Variants in GALK1 observed in about 807,000 individuals in gnomAD.
The protein encoded by GALK1 is galactokinase.
Under a neutral mutation model 38.6 loss-of-function variants are expected in GALK1, and 30 were observed. The ratio of observed to expected loss-of-function variants is 0.78; its 90% CI spans 0.58 to 1.05. The LOEUF (loss-of-function observed/expected upper bound fraction) is 1.05. GALK1 is among the 50% of genes least tolerant of loss of function. The pLI, the probability that GALK1 is intolerant of heterozygous loss-of-function variation, is 0.00. For synonymous variants in GALK1, 240 were observed against 233.6 expected (o/e 1.03, Z -0.25); for missense variants, 512 against 540.5 (o/e 0.95, Z 0.52).
rs370412722 is a variant in GALK1, at chr17:75,758,262, G to C, written c.1055C>G (p.Thr352Arg). ...RMTGGGFGGCTVTLLEASAAP... is the reference protein window; with the variant it reads ...RMTGGGFGGCRVTLLEASAAP... ...AGCGGAGGCCTCCAGCAGTGTCACC[G>C]TGCAGCCACCGAAGCCACCGCCCGT... The change falls in exon 7 of 8, where the codon ACG becomes AGG. Residue 352 changes from threonine (T) to arginine (R), a missense_variant. Transcript: ENST00000588479. 6.3e-7 allele frequency: 1 copy of C among 1,597,276 alleles called. No individual in the cohort carries two copies. The highest frequency in any genetic ancestry group is 8.5e-7 in the Non-Finnish European group (1 of 1,173,138).
intron 8 of GALK1, chr17:75,752,617 T>A: frequency 6.2e-7 from 1 of 1,611,308 alleles, no homozygotes; most frequent in Non-Finnish European, 8.5e-7. Context: ...ACAGTGGGGG[T>A]CTTGGGTACA....
At position 75,763,093 on chromosome 17, in the gene GALK1, C is replaced by A. The variant is rs1177598793; in HGVS notation, c.532G>T (p.Ala178Ser). ...TCCATGATGCCACAGGGCATCCCTG[C>A]GAAGCTGTGCTCGGCCTGCTGACAC... ...QVCQQAEHSF[A>S]GMPCGIMDQF... Residue 178 changes from alanine (A) to serine (S), a missense_variant, in exon 4 of 8, where the codon GCA becomes TCA. By Grantham distance (99) the Ala-to-Ser change is moderately conservative. Coordinates refer to ENST00000588479, the MANE Select transcript of GALK1 (RefSeq NM_000154.2). The A allele has an allele frequency of 6.2e-7, 1 of 1,612,558 alleles. No individual in the cohort carries two copies. The highest frequency in any genetic ancestry group is 1.7e-5 in the Admixed American group (1 of 60,008).
downstream of GALK1, among the ~76,000 whole-genome samples, chr17:75,754,309 G>A (rs1356082596): frequency 6.6e-6 from 1 of 152,142 alleles, no homozygotes; most frequent in Non-Finnish European, 1.5e-5. Context: ...GACTGCAGAC[G>A]CAGCAAACCC....
chr17:75,752,473 T>C, intron 8 of GALK1: 2 of 1,613,588 alleles, frequency 1.2e-6, no homozygotes, highest in Non-Finnish European at 1.7e-6. Flanking sequence ...ATCCCTATCG[T>C]GGACGCCCAG....
intron 8 of GALK1, chr17:75,752,346 G>A (rs755699351): frequency 7.4e-6 from 12 of 1,612,640 alleles, no homozygotes; most frequent in Non-Finnish European, 1.0e-5. Context: ...AGCCCAAGAG[G>A]CCCATGTCCA....
rs1250993676 is a variant in GALK1 at position 75,761,445 on chromosome 17, C to T, written c.793+1259G>A. ...GACCAGCCTGGCCAACATGAAACCC[C>T]GTCTCTACTAAAAATATAAAAATTG... On this transcript the variant is annotated intron_variant, in intron 5 of 7. Transcript: ENST00000588479. Among the ~76,000 whole-genome samples, 8 of 150,072 alleles carry T rather than the reference C, an allele frequency of 5.3e-5. No homozygotes were observed. The East Asian group carries it at 6.0e-4, about 11-fold the overall frequency.
At chr17:75,764,687 G>A (rs753680437) in intron 1 of GALK1, 14 of 584,608 alleles carry the variant, frequency 2.4e-5, no homozygotes, top group Non-Finnish European at 4.0e-5. Flanking sequence ...CACAGTTTAA[G>A]GGGAACATGC....
chr17:75,763,965 T>G lies in GALK1; in HGVS notation c.287A>C (p.Gln96Pro). ...AGGAGTCCCAGGCTCCAGCGAGCGC[T>G]GGGCTGTGGGCAGTGGAAACTGCAG... ...QRLQFPLPTA[Q>P]RSLEPGTPRW... is the part of the protein sequence containing the mutation. The change falls in exon 2 of 8, where the codon CAG (glutamine) becomes CCG (proline). Residue 96 changes from glutamine (Q) to proline (P), a missense_variant. Transcript: ENST00000588479. 1 of 1,613,218 alleles carries G rather than the reference T, an allele frequency of 6.2e-7. No homozygotes were observed. The highest frequency in any genetic ancestry group is 8.5e-7 in the Non-Finnish European group (1 of 1,179,924).
chr17:75,752,145 G>C, intron 8 of GALK1: 1 of 1,612,024 alleles, frequency 6.2e-7, no homozygotes, highest in Non-Finnish European at 8.5e-7. Context: ...GGACCTGGGT[G>C]ACCCTCTGAA....
downstream of GALK1, chr17:75,755,318 T>C: frequency 8.0e-7 from 1 of 1,245,744 alleles, no homozygotes; most frequent in Non-Finnish European, 1.1e-6. Context: ...CTCCATTCCA[T>C]CCACAGGACC....
chr17:75,756,654 C>G, downstream of GALK1: 1 of 1,613,056 alleles, frequency 6.2e-7, no homozygotes, highest in Non-Finnish European at 8.5e-7. Flanking sequence ...CTGCCCCCAT[C>G]ATGCCCACCA....
At chr17:75,756,525 C>T (rs1390647344), downstream of GALK1, 1 of 1,613,304 alleles carries the variant, frequency 6.2e-7, no homozygotes, top group Non-Finnish European at 8.5e-7. Context: ...CGCGTGCGGG[C>T]CCAGAGCCAG....
downstream of GALK1, chr17:75,753,699 C>G (rs969988812): frequency 5.3e-6 from 6 of 1,131,056 alleles, no homozygotes; most frequent in South Asian, 1.8e-4. Flanking sequence ...ACGGCCTTCC[C>G]CCGCCTGGCC....
Position 75,758,068 on chromosome 17 carries a change from C to T in GALK1, c.1167G>A (p.Val389=), listed in dbSNP as rs150586960. ...TCCTGGGGGTGCCTCACAAGCACAG[C>T]ACCTTGGCTCCATCGGCTGCTTGAG... The part of the protein sequence containing the change: ...YLSQAADGAK[V]LCL Residue 389 remains valine, a synonymous_variant, in exon 8 of 8, where the codon GTG becomes GTA. Transcript: ENST00000588479. 1.7e-4 allele frequency: 269 copies of T among 1,612,812 alleles called. 1 individual carries two copies. In the African/African-American group the frequency reaches 3.1e-3, roughly 19 times the overall value.
chr17:75,763,363 G>A lies in GALK1; in HGVS notation c.432C>T (p.Ser144=), dbSNP rs150323432. ...GGAAGGTGTACGTGGCCACTTCCAAGGATGCTGAGCTGGACAGGCCACCCC... is the reference window on the plus strand; with the variant it reads ...GGAAGGTGTACGTGGCCACTTCCAAAGATGCTGAGCTGGACAGGCCACCCC... ...PLGGGLSSSA[S]LEVATYTFLQ... Residue 144 remains serine (S), a synonymous_variant, in exon 3 of 8, where the codon TCC becomes TCT. Transcript: ENST00000588479. 1.5e-4 allele frequency: 235 copies of A among 1,613,944 alleles called. No individual in the cohort carries two copies. In the African/African-American group the frequency reaches 1.6e-3, roughly 11 times the overall value.
chr17:75,752,540 A>C (rs921148457), intron 8 of GALK1: 1 of 1,613,524 alleles, frequency 6.2e-7, no homozygotes, highest in Non-Finnish European at 8.5e-7. Context: ...TACGCTCTCC[A>C]TCGGGCAGCC....
At chr17:75,760,779 G>GA (rs1011383102) in intron 5 of GALK1, among the ~76,000 whole-genome samples, 6 of 146,206 alleles carry the variant, frequency 4.1e-5, no homozygotes, top group Admixed American at 1.4e-4. Flanking sequence ...CAGTCTCAAA[G>GA]AAAAAAAAGA....
chr17:75,764,514 C>T (rs759161598), intron 1 of GALK1: 4 of 500,612 alleles, frequency 8.0e-6, no homozygotes, highest in Non-Finnish European at 1.6e-5. Context: ...CAAGAACCTG[C>T]TGTGTGACCT....
chr17:75,756,427 A>G (rs1282083861), downstream of GALK1: 2 of 1,613,178 alleles, frequency 1.2e-6, no homozygotes, highest in Non-Finnish European at 1.7e-6. Flanking sequence ...TGATCCCCCC[A>G]GGTGAGCTGC....
Sources: gnomAD v4.1 joint callset for allele counts (sites outside exome capture counted in the v4.1 genomes callset) on GRCh38, gnomAD v4.1.1 for gene constraint, MANE v1.5 for transcripts, NCBI Gene and HGNC (gene_info 2026-07-23, HGNC 2026-07-21) for gene names.